GBE1: variants seen among roughly 807,000 people sequenced by gnomAD.
GBE1 encodes 1,4-alpha-glucan branching enzyme 1, also known as 1,4-alpha-glucan-branching enzyme.
Under a neutral mutation model 88.8 loss-of-function variants are expected in GBE1, and 70 were observed. That is an observed-to-expected ratio of 0.79 (90% CI 0.65 to 0.96). GBE1 has a LOEUF of 0.96. GBE1 is among the 40% of genes least tolerant of loss of function. The pLI is 0.00. For synonymous variants in GBE1, 284 were observed against 300.1 expected, an observed-to-expected ratio of 0.95 and a Z score of 0.56; for missense variants, 872 against 871.0, an observed-to-expected ratio of 1.00 and a Z score of -0.01.
At chr3:81,576,838 C>T (rs887812072) in intron 12 of GBE1, among the ~76,000 whole-genome samples, 7 of 151,812 alleles carry the variant, frequency 4.6e-5, no homozygotes, top group Non-Finnish European at 8.8e-5. Context: ...TATGCTTTCT[C>T]GGGGTTGGCT....
At chr3:81,527,987 AC>A (rs1353270021) in intron 14 of GBE1, among the ~76,000 whole-genome samples, 1 of 152,068 alleles carries the variant, frequency 6.6e-6, no homozygotes. Context: ...ACAATGATAG[AC>A]TGGATTAAGA....
At chr3:81,552,550 G>A (rs1354072719) in intron 12 of GBE1, among the ~76,000 whole-genome samples, 15 of 144,192 alleles carry the variant, frequency 1.0e-4, no homozygotes, top group Non-Finnish European at 2.0e-4. Flanking sequence ...AAAAAAAGAA[G>A]GCTGTCAAAA....
chr3:81,714,035 C>G lies in GBE1; in HGVS notation c.144-8422G>C, dbSNP rs577299646. ...GAAAGCAAGGAGTAGGACAGCATTA[C>G]GTAAGTTACTGATAAAGACAACCAG... On this transcript the variant is annotated intron_variant, in intron 1 of 15. Transcript: ENST00000429644. Among the ~76,000 whole-genome samples the G allele has an allele frequency of 2.6e-5, 4 of 152,222 alleles. No homozygotes were observed. The East Asian group carries it at 7.7e-4, about 29-fold the overall frequency.
chr3:81,743,689 T>C, intron 1 of GBE1: 3 of 1,095,428 alleles, frequency 2.7e-6, no homozygotes, highest in South Asian at 3.1e-5. Context: ...ATCTCAGTCA[T>C]TTTATCAAGA....
chr3:81,518,407 T>G (rs1412710576), intron 14 of GBE1, among the ~76,000 whole-genome samples: 1 of 151,528 alleles, frequency 6.6e-6, no homozygotes. Flanking sequence ...AGTAAGGACT[T>G]GCTCACTATT....
intron 14 of GBE1, among the ~76,000 whole-genome samples, chr3:81,527,758 C>T (rs900517014): frequency 6.6e-6 from 1 of 152,050 alleles, no homozygotes; most frequent in Non-Finnish European, 1.5e-5. Context: ...AACACTTTTA[C>T]ACTGTTAGTG....
At chr3:81,583,311 C>T (rs1385641252) in intron 10 of GBE1, among the ~76,000 whole-genome samples, 1 of 152,072 alleles carries the variant, frequency 6.6e-6, no homozygotes, top group Non-Finnish European at 1.5e-5. Flanking sequence ...AACAGTTTAG[C>T]AGTTTCTTAA....
At chr3:81,513,078 C>T (rs1702747168) in intron 14 of GBE1, among the ~76,000 whole-genome samples, 1 of 151,584 alleles carries the variant, frequency 6.6e-6, no homozygotes, top group Non-Finnish European at 1.5e-5. Context: ...AAATTGCCCA[C>T]TGCTTGGTGA....
At chr3:81,714,539 A>G (rs1705915969) in intron 1 of GBE1, among the ~76,000 whole-genome samples, 1 of 152,180 alleles carries the variant, frequency 6.6e-6, no homozygotes, top group South Asian at 2.1e-4. Flanking sequence ...TAGAATATAA[A>G]CAAGATATAA....
intron 14 of GBE1, among the ~76,000 whole-genome samples, chr3:81,513,473 G>A (rs957553142): frequency 5.3e-5 from 8 of 151,414 alleles, no homozygotes; most frequent in Non-Finnish European, 8.9e-5. Context: ...CAAAGAGTTG[G>A]AGTTCTGTCT....
chr3:81,500,274 T>C (rs1444892774), intron 14 of GBE1, among the ~76,000 whole-genome samples: 1 of 152,104 alleles, frequency 6.6e-6, no homozygotes, highest in East Asian at 1.9e-4. Context: ...AAGACTGAGA[T>C]GCAAATGATG....
intron 2 of GBE1, among the ~76,000 whole-genome samples, chr3:81,697,263 C>T (rs1038373654): frequency 1.3e-5 from 2 of 151,496 alleles, no homozygotes; most frequent in Admixed American, 6.6e-5. Flanking sequence ...GACAAAGACA[C>T]GCATAGGGTA....
chr3:81,760,884 G>A (rs1307635061), intron 1 of GBE1, among the ~76,000 whole-genome samples: 2 of 152,236 alleles, frequency 1.3e-5, no homozygotes, highest in Non-Finnish European at 2.9e-5. Flanking sequence ...AAAGGATATA[G>A]TGTCTGCCTG....
chr3:81,645,688 G>A (rs1209550010), intron 6 of GBE1, among the ~76,000 whole-genome samples: 2 of 152,126 alleles, frequency 1.3e-5, no homozygotes, highest in African/African-American at 4.8e-5. Context: ...TTAACTCTTA[G>A]TCGTGTTTTA....
chr3:81,681,913 A>G (rs920752782), intron 2 of GBE1, among the ~76,000 whole-genome samples: 1 of 152,250 alleles, frequency 6.6e-6, no homozygotes, highest in African/African-American at 2.4e-5. Context: ...TAGCAAATGA[A>G]AAAAACAGAT....
chr3:81,720,891 A>G (rs371518802), intron 1 of GBE1, among the ~76,000 whole-genome samples: 38 of 144,256 alleles, frequency 2.6e-4, no homozygotes, highest in East Asian at 1.0e-3. Context: ...ATGAGTTCAT[A>G]TCCTTTGTAG....
intron 2 of GBE1, among the ~76,000 whole-genome samples, chr3:81,693,306 T>C (rs745818632): frequency 7.0e-4 from 107 of 152,188 alleles, no homozygotes; most frequent in Non-Finnish European, 2.1e-4. Context: ...ATAATTATTA[T>C]TAAATTATAT....
At chr3:81,599,127 G>A (rs538629497) in intron 7 of GBE1, among the ~76,000 whole-genome samples, 1 of 152,118 alleles carries the variant, frequency 6.6e-6, no homozygotes, top group Admixed American at 6.6e-5. Context: ...ATGATATGGT[G>A]CTTTTAAGGC....
intron 10 of GBE1, among the ~76,000 whole-genome samples, chr3:81,582,250 A>G (rs1277772673): frequency 2.0e-5 from 3 of 152,150 alleles, no homozygotes; most frequent in African/African-American, 7.2e-5. Flanking sequence ...ATAGATGTTC[A>G]CAACCTAATC....
Sources: allele counts gnomAD v4.1 joint callset (sites outside exome capture counted in the v4.1 genomes callset), GRCh38; gene constraint gnomAD v4.1.1; transcripts MANE v1.5; gene names NCBI Gene and HGNC (gene_info 2026-07-23, HGNC 2026-07-21).